Variants in PPM1L observed in about 807,000 individuals in gnomAD.
The protein encoded by PPM1L is protein phosphatase 1L.
PPM1L carries 13 observed loss-of-function variants against 31.4 expected under a neutral mutation model. The ratio of observed to expected loss-of-function variants is 0.41; its 90% CI spans 0.27 to 0.66. The LOEUF is 0.66. Ranked by LOEUF, PPM1L falls within the 30% of genes least tolerant of loss-of-function variation. PPM1L has a pLI of 0.29. For synonymous variants in PPM1L, 184 were observed against 175.4 expected, an observed-to-expected ratio of 1.05 and a Z score of -0.39; for missense variants, 326 against 453.7, an observed-to-expected ratio of 0.72 and a Z score of 2.56.
At chr3:161,054,284 T>TATTAAATTAATACTAATTACGATTCAAA (rs1280890506) in intron 2 of PPM1L, among the ~76,000 whole-genome samples, 4 of 152,000 alleles carry the variant, frequency 2.6e-5, no homozygotes, top group Non-Finnish European at 5.9e-5. Flanking sequence ...CCCAGTCAGG[T>TATTAAATTAATACTAATTACGATTCAAA]TTTAGGGCTG....
chr3:160,877,533 T>G (rs1326770742), intron 1 of PPM1L, among the ~76,000 whole-genome samples: 1 of 114,252 alleles, frequency 8.8e-6, no homozygotes, highest in East Asian at 2.3e-4. Context: ...TACCTGAGGT[T>G]TGTTGTCTCA....
intron 2 of PPM1L, among the ~76,000 whole-genome samples, chr3:160,966,228 T>G (rs1716138842): frequency 6.6e-6 from 1 of 152,134 alleles, no homozygotes; most frequent in Non-Finnish European, 1.5e-5. Flanking sequence ...TTAGGTTATA[T>G]TTTCCAATGT....
rs1483742006 is a variant in PPM1L at position 161,074,457 on chromosome 3, T to C, written c.*5300T>C. On this transcript the variant is annotated 3_prime_UTR_variant, in exon 4 of 4. Coordinates refer to ENST00000498165, the MANE Select transcript of PPM1L (RefSeq NM_139245.4). ...CAAAAGTCATTAACTTAAAATTACATCCAATATTTAGGAATAGCTCATCCT... is the reference window on the plus strand; with the variant it reads ...CAAAAGTCATTAACTTAAAATTACACCCAATATTTAGGAATAGCTCATCCT... 6.6e-6 allele frequency: 1 copy of C among 152,184 alleles called. No individual in the cohort carries two copies. Among genetic ancestry groups the C allele is most frequent in the East Asian group, 1.9e-4 (1 of 5,198 alleles). 9.4% of individuals were successfully genotyped at this position (152,184 alleles called of 1,614,324 possible).
At chr3:160,779,338 A>G (rs771802102) in intron 1 of PPM1L, among the ~76,000 whole-genome samples, 3 of 152,152 alleles carry the variant, frequency 2.0e-5, no homozygotes, top group Non-Finnish European at 2.9e-5. Flanking sequence ...CTGGATTTGA[A>G]TCAAGGCCCA....
chr3:160,939,196 G>A (rs1204146428), intron 1 of PPM1L, among the ~76,000 whole-genome samples: 2 of 152,142 alleles, frequency 1.3e-5, no homozygotes, highest in African/African-American at 4.8e-5. Context: ...CCTGCTGTTA[G>A]TTCTGATCTT....
intron 2 of PPM1L, among the ~76,000 whole-genome samples, chr3:160,977,262 T>G (rs1222879032): frequency 6.6e-6 from 1 of 152,230 alleles, no homozygotes; most frequent in Non-Finnish European, 1.5e-5. Flanking sequence ...GTATATACAC[T>G]GGAGGAGCTC....
At chr3:161,036,237 G>A (rs965999869) in intron 2 of PPM1L, 1 of 152,144 alleles carries the variant, frequency 6.6e-6, no homozygotes, top group Non-Finnish European at 1.5e-5. Context: ...CTCATTATAA[G>A]TATGTATATA....
At chr3:160,975,279 T>G (rs1446497001) in intron 2 of PPM1L, among the ~76,000 whole-genome samples, 3 of 152,046 alleles carry the variant, frequency 2.0e-5, no homozygotes, top group Admixed American at 1.3e-4. Context: ...ACTGTAGCCT[T>G]GTAGTATAGT....
At chr3:160,867,957 A>AT (rs1712153831) in intron 1 of PPM1L, among the ~76,000 whole-genome samples, 1 of 152,184 alleles carries the variant, frequency 6.6e-6, no homozygotes, top group Non-Finnish European at 1.5e-5. Flanking sequence ...ACTGGGTTAC[A>AT]TTTTGCTTGT....
rs1358114661 is a variant in PPM1L at position 161,070,581 on chromosome 3, A to G, written c.*1424A>G. ...ATCATTTTTCCAACCTTGGTATTTT[A>G]TATTATTTAGAGAAAATGCTGGGTC... On this transcript the variant is annotated 3_prime_UTR_variant, in exon 4 of 4. Coordinates refer to ENST00000498165, the MANE Select transcript of PPM1L (RefSeq NM_139245.4). The G allele has an allele frequency of 1.3e-5, 2 of 152,072 alleles. No homozygotes were observed. Among genetic ancestry groups the G allele is most frequent in the Non-Finnish European group, 2.9e-5 (2 of 68,024 alleles). 9.4% of individuals were successfully genotyped at this position (152,072 alleles called of 1,614,324 possible).
At chr3:161,032,006 C>T (rs1239624551) in intron 2 of PPM1L, among the ~76,000 whole-genome samples, 1 of 152,156 alleles carries the variant, frequency 6.6e-6, no homozygotes, top group African/African-American at 2.4e-5. Flanking sequence ...ACAGGGCTGA[C>T]CTATCACCTT....
At chr3:160,836,728 A>G (rs985759216) in intron 1 of PPM1L, among the ~76,000 whole-genome samples, 10 of 152,194 alleles carry the variant, frequency 6.6e-5, no homozygotes, top group Middle Eastern at 3.2e-3. Context: ...TCATTAATCC[A>G]TCTTTAGTCA....
Position 160,756,765 on chromosome 3 carries a change from G to A in PPM1L, c.399+58G>A. On this transcript the variant is annotated intron_variant, in intron 1 of 3. Transcript: ENST00000498165. This position sits in a 1 kb window ranked among gnomAD's most constrained non-coding sequence, Gnocchi z 6.2. ...CCGTGTATGTCTCGTGTGTGTGTGT[G>A]TGTGTGTGTGTGTGTGTGTGTGTGT... The A allele has an allele frequency of 7.5e-7, 1 of 1,341,554 alleles. No homozygotes were observed. Among genetic ancestry groups the A allele is most frequent in the East Asian group, 2.4e-5 (1 of 41,438 alleles). The allele number at this position is 1,341,554 out of a possible 1,614,324, so 83.1% of individuals were successfully genotyped here.
chr3:161,057,070 TAAAA>T (rs1719434094), intron 2 of PPM1L, among the ~76,000 whole-genome samples: 1 of 150,160 alleles, frequency 6.7e-6, no homozygotes, highest in Admixed American at 6.6e-5. Context: ...CTCAAAAAAA[TAAAA>T]AAGAATACAG....
chr3:160,902,531 A>G (rs1576701513), intron 1 of PPM1L, among the ~76,000 whole-genome samples: 6 of 152,230 alleles, frequency 3.9e-5, no homozygotes, highest in Admixed American at 3.9e-4. Flanking sequence ...CTCTAGAGAA[A>G]TGGTTTACAA....
At chr3:160,809,496 A>G (rs1467800092) in intron 1 of PPM1L, among the ~76,000 whole-genome samples, 1 of 152,170 alleles carries the variant, frequency 6.6e-6, no homozygotes, top group Non-Finnish European at 1.5e-5. Flanking sequence ...AGTTCAGAGT[A>G]TATTTCCAGA....
intron 1 of PPM1L, among the ~76,000 whole-genome samples, chr3:160,945,162 TTTTG>T (rs147108731): frequency 0.053 from 7,665 of 144,310 alleles, 283 homozygotes; most frequent in African/African-American, 0.061. Context: ...TCTCCACTGA[TTTTG>T]TTTTAGTTTG....
intron 1 of PPM1L, among the ~76,000 whole-genome samples, chr3:160,808,517 TG>T (rs534765720): frequency 1.3e-5 from 2 of 151,960 alleles, no homozygotes; most frequent in Non-Finnish European, 2.9e-5. Flanking sequence ...GGCCTATAGC[TG>T]GGGGGCCTCC....
At chr3:160,920,639 T>TCA (rs1224798497) in intron 1 of PPM1L, among the ~76,000 whole-genome samples, 4,250 of 63,318 alleles carry the variant, frequency 0.067, 97 homozygotes, top group South Asian at 0.25. Flanking sequence ...ACACACACAC[T>TCA]CACACACACA....
Sources: gnomAD v4.1 joint callset for allele counts (sites outside exome capture counted in the v4.1 genomes callset) on GRCh38, gnomAD v4.1.1 for gene constraint, Gnocchi (gnomAD v3.1) non-coding constraint, MANE v1.5 for transcripts, NCBI Gene and HGNC (gene_info 2026-07-23, HGNC 2026-07-21) for gene names.